NTM: variants seen among roughly 807,000 people sequenced by gnomAD.
NTM encodes the protein IgLON family member 2.
NTM carries 13 observed loss-of-function variants against 42.1 expected under a neutral mutation model. The observed-to-expected ratio is 0.31, with a 90% CI of 0.20 to 0.49. The LOEUF is 0.49. NTM is among the 20% of genes least tolerant of loss of function. The pLI, the probability that NTM is intolerant of heterozygous loss-of-function variation, is 0.99. For missense variants in NTM, 373 were observed against 452.8 expected, an observed-to-expected ratio of 0.82 and a Z score of 1.60; for synonymous variants, 187 against 179.2, an observed-to-expected ratio of 1.04 and a Z score of -0.35.
intron 1 of NTM, among the ~76,000 whole-genome samples, chr11:131,639,322 T>C (rs2064831840): frequency 6.6e-6 from 1 of 152,270 alleles, no homozygotes; most frequent in East Asian, 1.9e-4. Context: ...ACTAAGAAGT[T>C]GTTGACTGTG....
chr11:131,910,648 C>A (rs1168388325), intron 1 of NTM, among the ~76,000 whole-genome samples: 1 of 150,284 alleles, frequency 6.7e-6, no homozygotes, highest in Non-Finnish European at 1.5e-5. Flanking sequence ...GGCGCGGAGG[C>A]CGGGGGCGGC....
rs1377084870 is a variant in NTM at position 132,098,540 on chromosome 11, C to T, written c.168-47742C>T. On this transcript the variant is annotated intron_variant, in intron 2 of 8. Transcript: ENST00000683400. ...CGAGACTAATGCTCTAGACCACGCA[C>T]CTCAGTTGCCTGCAGATAGTGTCCC... 5.9e-5 allele frequency among the ~76,000 whole-genome samples: 9 copies of T among 152,344 alleles called. No individual in the cohort carries two copies. The South Asian group carries it at 6.2e-4, about 11-fold the overall frequency.
At chr11:131,795,247 T>A (rs2091429434) in intron 1 of NTM, 1 of 442,524 alleles carries the variant, frequency 2.3e-6, no homozygotes, top group Admixed American at 6.4e-5. Context: ...CTTCTTCATT[T>A]GAAAAATAGG....
In NTM at chr11:132,245,785, C is replaced by T. The variant is rs151201808; in HGVS notation, c.526+33638C>T. Among the ~76,000 whole-genome samples the T allele has an allele frequency of 3.5e-3, 527 of 152,256 alleles. 1 individual carries two copies. The highest frequency in any genetic ancestry group is 0.01 in the Middle Eastern group (3 of 294). ...GGCTCAGCCATGCCAGCTGGCTCTT[C>T]CCTCCAAACCCTTCCTCTCCTCTTT... On this transcript the variant is annotated intron_variant, in intron 4 of 8. Coordinates refer to ENST00000683400, the MANE Select transcript of NTM (RefSeq NM_001352005.2).
intron 1 of NTM, among the ~76,000 whole-genome samples, chr11:131,837,657 A>C (rs1038258548): frequency 6.6e-6 from 1 of 152,198 alleles, no homozygotes; most frequent in African/African-American, 2.4e-5. Context: ...AAGCCCAGGC[A>C]AAGGTTTTTC....
intron 2 of NTM, among the ~76,000 whole-genome samples, chr11:131,929,171 G>A (rs749697977): frequency 3.9e-5 from 6 of 152,220 alleles, no homozygotes; most frequent in Admixed American, 6.5e-5. Flanking sequence ...GGAAGTGTGC[G>A]AGTTTAGACT....
intron 1 of NTM, among the ~76,000 whole-genome samples, chr11:131,839,832 C>G (rs1426187727): frequency 6.6e-6 from 1 of 152,152 alleles, no homozygotes; most frequent in Non-Finnish European, 1.5e-5. Context: ...TGGCCCAGGC[C>G]AGGGTGGTAG....
chr11:131,689,461 C>T (rs1330109865), intron 1 of NTM, among the ~76,000 whole-genome samples: 1 of 152,254 alleles, frequency 6.6e-6, no homozygotes, highest in Non-Finnish European at 1.5e-5. Flanking sequence ...AGAAAAACAA[C>T]TTTCAGGGGT....
chr11:131,995,403 T>C (rs1163015775), intron 2 of NTM, among the ~76,000 whole-genome samples: 1 of 151,888 alleles, frequency 6.6e-6, no homozygotes, highest in African/African-American at 2.4e-5. Flanking sequence ...AAGAAGGACC[T>C]GGAGGGATGG....
At chr11:132,060,838 A>C (rs141908899) in intron 2 of NTM, among the ~76,000 whole-genome samples, 2,061 of 152,250 alleles carry the variant, frequency 0.014, 26 homozygotes, top group Non-Finnish European at 0.021. Context: ...CATGTCTACA[A>C]ATGGTGTTAG....
chr11:131,408,455 CATTT>C (rs1946049303), intron 1 of NTM, among the ~76,000 whole-genome samples: 1 of 152,166 alleles, frequency 6.6e-6, no homozygotes, highest in African/African-American at 2.4e-5. Flanking sequence ...AACTGTATAA[CATTT>C]ATGTGATTGA....
At chr11:131,398,939 G>C (rs1362063201) in intron 1 of NTM, among the ~76,000 whole-genome samples, 1 of 152,148 alleles carries the variant, frequency 6.6e-6, no homozygotes, top group Non-Finnish European at 1.5e-5. Flanking sequence ...TTAGTACCCA[G>C]TGGTTGAGAA....
rs369222138 is a variant in NTM, at chr11:131,855,684, AAAG to A, written c.83-55877_83-55875del. 3.1e-3 allele frequency among the ~76,000 whole-genome samples: 478 copies of A among 152,302 alleles called. 2 individuals are homozygous for A. The highest frequency in any genetic ancestry group is 6.8e-3 in the Middle Eastern group (2 of 294). On this transcript the variant is annotated intron_variant, in intron 1 of 8. Transcript: ENST00000683400. Reference sequence around the variant, plus strand: ...TAACTTTCATCCTAACAATGTGTTTAAAGAACAGTCAAAATTCTTCAGCACAGT... The same window carrying A: ...TAACTTTCATCCTAACAATGTGTTTAAACAGTCAAAATTCTTCAGCACAGT...
chr11:131,914,974 G>C (rs525040), intron 2 of NTM, among the ~76,000 whole-genome samples: 22,613 of 152,178 alleles, frequency 0.15, 1,836 homozygotes, highest in South Asian at 0.29. Flanking sequence ...GAGTTTACAT[G>C]CTTTGATGAA....
chr11:132,190,815 CAG>C (rs976866857), intron 3 of NTM, among the ~76,000 whole-genome samples: 3 of 151,550 alleles, frequency 2.0e-5, no homozygotes, highest in Non-Finnish European at 2.9e-5. Context: ...AAGGTAAAGT[CAG>C]AGACTTCCTT....
At chr11:131,668,790 C>A (rs2069572064) in intron 1 of NTM, among the ~76,000 whole-genome samples, 1 of 152,146 alleles carries the variant, frequency 6.6e-6, no homozygotes, top group Non-Finnish European at 1.5e-5. Context: ...AATAATCTTT[C>A]CACGAAAGGT....
intron 3 of NTM, among the ~76,000 whole-genome samples, chr11:132,211,256 A>G (rs1019543055): frequency 2.0e-5 from 3 of 152,174 alleles, no homozygotes; most frequent in Non-Finnish European, 4.4e-5. Context: ...AAACATAAAC[A>G]TTAACAAGGA....
At chr11:131,908,414 C>G (rs954786246) in intron 1 of NTM, among the ~76,000 whole-genome samples, 2 of 152,236 alleles carry the variant, frequency 1.3e-5, no homozygotes, top group Non-Finnish European at 2.9e-5. Context: ...GATGCAAAAA[C>G]TAATGCTCCT....
chr11:132,275,752 A>ATATATACGTATATATATGTG (rs1565363427), intron 4 of NTM, among the ~76,000 whole-genome samples: 1 of 26,830 alleles, frequency 3.7e-5, no homozygotes, highest in African/African-American at 1.9e-4. Context: ...ATATATGTGT[A>ATATATACGTATATATATGTG]TATATATATA....
Sources: allele counts gnomAD v4.1 joint callset (sites outside exome capture counted in the v4.1 genomes callset), GRCh38; gene constraint gnomAD v4.1.1; transcripts MANE v1.5; gene names NCBI Gene and HGNC (gene_info 2026-07-23, HGNC 2026-07-21).